The following DHX15 variants were observed in gnomAD, a reference collection of about 807,000 sequenced individuals.
The protein encoded by DHX15 is DEAH-box helicase 15.
Under a neutral mutation model 94.4 loss-of-function variants are expected in DHX15, and 11 were observed. That is an observed-to-expected ratio of 0.12 (90% CI 0.07 to 0.19). The LOEUF (loss-of-function observed/expected upper bound fraction) is 0.19, where lower values mean the gene tolerates loss of function less well. DHX15 is among the 10% of genes least tolerant of loss of function. The probability of loss-of-function intolerance (pLI) is 1.00; values close to 1 mark genes in which losing one functional copy is unlikely to be tolerated. For missense variants in DHX15, 304 were observed against 988.5 expected, an observed-to-expected ratio of 0.31 and a Z score of 9.29; for synonymous variants, 338 against 329.9, an observed-to-expected ratio of 1.02 and a Z score of -0.27.
chr4:24,540,428 C>A (rs1721285019), intron 9 of DHX15, 129 bp from the exon 10 acceptor site: 1 of 738,606 alleles, frequency 1.4e-6, no homozygotes, highest in Non-Finnish European at 2.1e-6. Flanking sequence ...AACTGTCATC[C>A]AATTCAATTA....
chr4:24,545,945 C>G (rs1384219873), intron 6 of DHX15, among the ~76,000 whole-genome samples: 1 of 152,150 alleles, frequency 6.6e-6, no homozygotes, highest in Non-Finnish European at 1.5e-5. Context: ...TCAGGACATG[C>G]TAAGAGTAAA....
chr4:24,536,647 C>T (rs567971736), intron 11 of DHX15, among the ~76,000 whole-genome samples: 48 of 152,060 alleles, frequency 3.2e-4, no homozygotes, highest in South Asian at 1.2e-3. Context: ...CCATTTTTTT[C>T]TATTAGTTTT....
Position 24,584,218 on chromosome 4 carries a change from AG to A in DHX15, c.71+104del, listed in dbSNP as rs1722552540. 5.9e-6 allele frequency: 7 copies of A among 1,193,664 alleles called. No homozygotes were observed. In the South Asian group the frequency reaches 9.3e-5, roughly 16 times the overall value. 73.9% of individuals were successfully genotyped at this position (1,193,664 alleles called of 1,614,324 possible). On this transcript the variant is annotated intron_variant, in intron 1 of 13. Coordinates refer to ENST00000336812, the MANE Select transcript of DHX15 (RefSeq NM_001358.3). Reference sequence around the variant, plus strand: ...GTGAACCCAGCCCAGAGAGAAACAAAGGCTCGGGCTCCAGGACCCGCTCGGC... The same window carrying A: ...GTGAACCCAGCCCAGAGAGAAACAAAGCTCGGGCTCCAGGACCCGCTCGGC...
chr4:24,563,525 A>T (rs1433281744), intron 3 of DHX15: 2 of 152,186 alleles, frequency 1.3e-5, no homozygotes, highest in African/African-American at 4.8e-5. Context: ...TTGGGTATAA[A>T]CAGATCACTC....
At chr4:24,569,522 G>A (rs1466022062) in intron 3 of DHX15, among the ~76,000 whole-genome samples, 1 of 150,414 alleles carries the variant, frequency 6.6e-6, no homozygotes, top group East Asian at 1.9e-4. Flanking sequence ...AACCCGGGAG[G>A]CGGAGGTTGC....
chr4:24,532,763 T>C, intron 12 of DHX15, 101 bp downstream of exon 12: 2 of 854,888 alleles, frequency 2.3e-6, no homozygotes, highest in South Asian at 2.1e-5. Flanking sequence ...TTTATGAGCA[T>C]GCACAAACTC....
At chr4:24,562,694 C>T (rs1721908970) in intron 3 of DHX15, among the ~76,000 whole-genome samples, 1 of 152,178 alleles carries the variant, frequency 6.6e-6, no homozygotes, top group Admixed American at 6.5e-5. Flanking sequence ...GTGTAATATA[C>T]ACATAATCCT....
chr4:24,574,152 G>GC (rs2109010494), intron 2 of DHX15, among the ~76,000 whole-genome samples: 1 of 130,384 alleles, frequency 7.7e-6, no homozygotes, highest in South Asian at 2.5e-4. Context: ...GTTGCAGAAA[G>GC]CCAAGATCAT....
chr4:24,555,803 C>T (rs1372478975), intron 4 of DHX15, among the ~76,000 whole-genome samples: 4 of 152,074 alleles, frequency 2.6e-5, no homozygotes, highest in South Asian at 2.1e-4. Context: ...AAGTAATACA[C>T]GAGGGTAAGT....
chr4:24,584,415 A>G lies in DHX15; in HGVS notation c.-22T>C. On this transcript the variant is annotated 5_prime_UTR_variant, in exon 1 of 14. Transcript: ENST00000336812. ...ACATCCTCGCACTCTTCGAACGGGCAGTTATTAAGGAAGAAAGCTGGCTGC... is the reference window on the plus strand; with the variant it reads ...ACATCCTCGCACTCTTCGAACGGGCGGTTATTAAGGAAGAAAGCTGGCTGC... The G allele has an allele frequency of 6.2e-7, 1 of 1,608,158 alleles. No homozygotes were observed. Among genetic ancestry groups the G allele is most frequent in the Non-Finnish European group, 8.5e-7 (1 of 1,177,608 alleles).
intron 5 of DHX15, among the ~76,000 whole-genome samples, chr4:24,551,792 C>T (rs4642236): frequency 1.4e-4 from 22 of 152,218 alleles, no homozygotes; most frequent in African/African-American, 5.1e-4. Context: ...TTTTACTGTA[C>T]ATAAATGAAA....
intron 11 of DHX15, among the ~76,000 whole-genome samples, chr4:24,534,950 T>A (rs1721164160): frequency 8.2e-6 from 1 of 121,462 alleles, no homozygotes; most frequent in Admixed American, 8.2e-5. Flanking sequence ...CTGGCAAAGT[T>A]TTTTGCTTTT....
At chr4:24,539,573 A>G (rs2109395432) in intron 10 of DHX15, 1 of 152,284 alleles carries the variant, frequency 6.6e-6, no homozygotes, top group Admixed American at 6.5e-5. Flanking sequence ...GTAAAAGAAT[A>G]CCATTATCAG....
intron 6 of DHX15, among the ~76,000 whole-genome samples, chr4:24,546,986 A>G (rs1368549314): frequency 6.6e-6 from 1 of 152,320 alleles, no homozygotes; most frequent in East Asian, 1.9e-4. Context: ...ACTTGTATAG[A>G]TCCCTCCTCT....
intron 5 of DHX15, among the ~76,000 whole-genome samples, chr4:24,552,168 A>C (rs1721623607): frequency 6.6e-6 from 1 of 152,220 alleles, no homozygotes; most frequent in African/African-American, 2.4e-5. Flanking sequence ...AAACAGAAAC[A>C]GGTAGTGGAG....
At chr4:24,573,293 T>C (rs1414424514) in intron 2 of DHX15, among the ~76,000 whole-genome samples, 2 of 152,222 alleles carry the variant, frequency 1.3e-5, no homozygotes, top group Non-Finnish European at 2.9e-5. Flanking sequence ...TGATCCTCGG[T>C]GTTCTAGTCT....
intron 2 of DHX15, among the ~76,000 whole-genome samples, chr4:24,571,788 TTTAG>T (rs1303400629): frequency 1.3e-5 from 2 of 152,236 alleles, no homozygotes; most frequent in Admixed American, 6.5e-5. Flanking sequence ...ATTATTACAT[TTTAG>T]TTAGGTTGCT....
chr4:24,551,924 T>G (rs772128984), intron 5 of DHX15, among the ~76,000 whole-genome samples: 1 of 152,220 alleles, frequency 6.6e-6, no homozygotes, highest in Non-Finnish European at 1.5e-5. Context: ...TACTGGAGAT[T>G]AGACTACCCA....
chr4:24,553,934 T>A (rs1199484847), intron 5 of DHX15, among the ~76,000 whole-genome samples: 1 of 151,676 alleles, frequency 6.6e-6, no homozygotes, highest in Non-Finnish European at 1.5e-5. Context: ...AAACGCTACA[T>A]CTGGCCGGGT....
Sources: gnomAD v4.1 joint callset for allele counts (sites outside exome capture counted in the v4.1 genomes callset) on GRCh38, gnomAD v4.1.1 for gene constraint, MANE v1.5 for transcripts, NCBI Gene and HGNC (gene_info 2026-07-23, HGNC 2026-07-21) for gene names.